CTNNA3: variants seen among roughly 807,000 people sequenced by gnomAD.
CTNNA3 encodes the protein catenin alpha-3.
Under a neutral mutation model 95.7 loss-of-function variants are expected in CTNNA3, and 76 were observed. That is an observed-to-expected ratio of 0.79 (90% CI 0.66 to 0.96). The LOEUF is 0.96. Among genes scored for constraint, CTNNA3 ranks in the 40% least tolerant of loss-of-function variants. The pLI is 0.00. For synonymous variants in CTNNA3, 431 were observed against 374.4 expected, an observed-to-expected ratio of 1.15 and a Z score of -1.74; for missense variants, 1,191 against 1,089.8, an observed-to-expected ratio of 1.09 and a Z score of -1.31.
intron 5 of CTNNA3, among the ~76,000 whole-genome samples, chr10:67,470,641 C>CAACA (rs1847780525): frequency 6.9e-6 from 1 of 145,228 alleles, no homozygotes; most frequent in African/African-American, 2.8e-5. Context: ...GGCAAGTTTG[C>CAACA]AACACACACA....
At chr10:67,524,951 T>C (rs1840097162) in intron 4 of CTNNA3, among the ~76,000 whole-genome samples, 1 of 152,226 alleles carries the variant, frequency 6.6e-6, no homozygotes, top group Admixed American at 6.5e-5. Context: ...AGATTTTCTA[T>C]ATTTGTTCAG....
chr10:66,737,664 C>CTT (rs200878512), intron 9 of CTNNA3, among the ~76,000 whole-genome samples: 3 of 144,706 alleles, frequency 2.1e-5, no homozygotes, highest in Non-Finnish European at 4.6e-5. Context: ...AAAAGTTGTA[C>CTT]TTTTTTTTTT....
intron 12 of CTNNA3, among the ~76,000 whole-genome samples, chr10:66,315,132 C>CT (rs553867206): frequency 3.3e-5 from 5 of 151,242 alleles, no homozygotes; most frequent in East Asian, 2.0e-4. Context: ...CTTATTGCTC[C>CT]TTTTTTTTTC....
intron 13 of CTNNA3, among the ~76,000 whole-genome samples, chr10:66,199,840 G>A (rs1372774280): frequency 1.3e-4 from 12 of 93,780 alleles, no homozygotes; most frequent in African/African-American, 5.4e-4. Context: ...TTTTAGTAGA[G>A]ATGGGGTTTC....
chr10:67,339,536 G>A (rs1029495793), intron 5 of CTNNA3, among the ~76,000 whole-genome samples: 2 of 152,038 alleles, frequency 1.3e-5, no homozygotes, highest in African/African-American at 4.8e-5. Flanking sequence ...ATCCAACTCC[G>A]GTATTCCATA....
intron 4 of CTNNA3, among the ~76,000 whole-genome samples, chr10:67,529,568 A>C (rs1457534839): frequency 1.3e-5 from 2 of 151,580 alleles, no homozygotes; most frequent in Non-Finnish European, 2.9e-5. Flanking sequence ...GGTGCAGCAC[A>C]CCAGCATGGC....
chr10:66,458,179 A>C (rs747649556), intron 11 of CTNNA3, among the ~76,000 whole-genome samples: 4 of 152,178 alleles, frequency 2.6e-5, no homozygotes, highest in South Asian at 2.1e-4. Context: ...TGTTTGTAAT[A>C]GCTCTATTAT....
intron 5 of CTNNA3, among the ~76,000 whole-genome samples, chr10:67,379,119 A>T (rs534174405): frequency 7.9e-5 from 12 of 152,364 alleles, no homozygotes; most frequent in African/African-American, 2.9e-4. Flanking sequence ...AAAATACTAC[A>T]TATGTCTTAA....
At chr10:67,350,910 G>GTGTATATATA (rs146861544) in intron 5 of CTNNA3, among the ~76,000 whole-genome samples, 138 of 141,814 alleles carry the variant, frequency 9.7e-4, no homozygotes, top group African/African-American at 3.3e-3. Context: ...AAAAGTATGT[G>GTGTATATATA]TATATATATA....
At chr10:65,927,709 G>A (rs10996778) in intron 17 of CTNNA3, among the ~76,000 whole-genome samples, 19,612 of 152,086 alleles carry the variant, frequency 0.13, 1,570 homozygotes, top group Middle Eastern at 0.21. Flanking sequence ...TTTGTGACTG[G>A]CATTTGGTTT....
At chr10:67,300,621 G>A (rs991454091) in intron 5 of CTNNA3, among the ~76,000 whole-genome samples, 2 of 152,122 alleles carry the variant, frequency 1.3e-5, no homozygotes, top group Non-Finnish European at 2.9e-5. Flanking sequence ...ATTGAGTTCA[G>A]GCTTCAATTA....
At chr10:65,939,606 C>T (rs2133172477) in intron 17 of CTNNA3, among the ~76,000 whole-genome samples, 1 of 152,260 alleles carries the variant, frequency 6.6e-6, no homozygotes, top group African/African-American at 2.4e-5. Context: ...AAACTAAGTA[C>T]ATCCTAGCTT....
At chr10:66,090,436 T>C (rs939018049) in intron 14 of CTNNA3, among the ~76,000 whole-genome samples, 2 of 152,076 alleles carry the variant, frequency 1.3e-5, no homozygotes, top group African/African-American at 4.8e-5. Flanking sequence ...ATATTTTTTA[T>C]CACTTAATGA....
intron 7 of CTNNA3, among the ~76,000 whole-genome samples, chr10:66,786,306 T>C (rs1453049573): frequency 6.6e-6 from 1 of 152,166 alleles, no homozygotes; most frequent in African/African-American, 2.4e-5. Context: ...ACAGCAAGTT[T>C]ATGGGAAAAG....
chr10:67,374,294 G>C (rs1236975174), intron 5 of CTNNA3, among the ~76,000 whole-genome samples: 1 of 152,126 alleles, frequency 6.6e-6, no homozygotes, highest in Admixed American at 6.5e-5. Flanking sequence ...ATAACAACAG[G>C]TAGCCAGCCA....
chr10:65,914,479 G>A lies in CTNNA3; in HGVS notation c.*5851C>T, dbSNP rs1002223329. 6.6e-6 allele frequency: 1 copy of A among 152,022 alleles called. No individual in the cohort carries two copies. Among genetic ancestry groups the A allele is most frequent in the African/African-American group, 2.4e-5 (1 of 41,398 alleles). 9.4% of individuals were successfully genotyped at this position (152,022 alleles called of 1,614,324 possible). On this transcript the variant is annotated 3_prime_UTR_variant, in exon 18 of 18. Coordinates refer to ENST00000433211, the MANE Select transcript of CTNNA3 (RefSeq NM_013266.4). The stretch of plus-strand genomic sequence containing the variant: ...AGGCCATGTAATTTTAAAACACAAA[G>A]TTTACCTGTATTCAGGCACATACTA...
chr10:66,508,875 G>C (rs568879488), intron 11 of CTNNA3, among the ~76,000 whole-genome samples: 19 of 152,022 alleles, frequency 1.2e-4, no homozygotes, highest in African/African-American at 3.4e-4. Context: ...TTAATACAAT[G>C]ATTTCCCTTC....
intron 13 of CTNNA3, among the ~76,000 whole-genome samples, chr10:66,155,342 T>G (rs747074247): frequency 6.6e-6 from 1 of 151,842 alleles, no homozygotes; most frequent in Non-Finnish European, 1.5e-5. Flanking sequence ...TTATGGAATT[T>G]CTGCTGTCCT....
intron 11 of CTNNA3, among the ~76,000 whole-genome samples, chr10:66,515,641 G>T (rs1840823567): frequency 6.6e-6 from 1 of 152,096 alleles, no homozygotes; most frequent in South Asian, 2.1e-4. Context: ...AGTTCCACAT[G>T]GCTAGGGAGG....
Sources: gnomAD v4.1 joint callset for allele counts (sites outside exome capture counted in the v4.1 genomes callset) on GRCh38, gnomAD v4.1.1 for gene constraint, MANE v1.5 for transcripts, NCBI Gene and HGNC (gene_info 2026-07-23, HGNC 2026-07-21) for gene names.